The following IMMP2L variants were observed in gnomAD, a reference collection of about 807,000 sequenced individuals.
The protein encoded by IMMP2L is mitochondrial inner membrane protease subunit 2.
A neutral mutation model predicts 19.3 loss-of-function variants in IMMP2L; 18 were observed. That is an observed-to-expected ratio of 0.93 (90% confidence interval 0.64 to 1.38). The LOEUF is 1.38. Ranked by LOEUF, IMMP2L falls within the 40% of genes most tolerant of loss-of-function variation. IMMP2L has a pLI of 0.00. For synonymous variants in IMMP2L, 76 were observed against 73.0 expected, an observed-to-expected ratio of 1.04 and a Z score of -0.21; for missense variants, 233 against 218.2, an observed-to-expected ratio of 1.07 and a Z score of -0.43.
intron 5 of IMMP2L, among the ~76,000 whole-genome samples, chr7:110,766,091 A>C (rs115834173): frequency 6.6e-6 from 1 of 152,168 alleles, no homozygotes; most frequent in African/African-American, 2.4e-5. Flanking sequence ...GATTTAATTA[A>C]ATATAATTTG....
chr7:111,087,194 A>G (rs2129577235), intron 3 of IMMP2L, among the ~76,000 whole-genome samples: 1 of 152,314 alleles, frequency 6.6e-6, no homozygotes, highest in South Asian at 2.1e-4. Flanking sequence ...TCACGCCTGT[A>G]ATCTCAGCAC....
intron 2 of IMMP2L, among the ~76,000 whole-genome samples, chr7:111,515,149 T>G (rs889707878): frequency 1.3e-5 from 2 of 152,118 alleles, no homozygotes; most frequent in African/African-American, 2.4e-5. Context: ...ATCTTTGGGA[T>G]TCTATAAGGC....
intron 3 of IMMP2L, among the ~76,000 whole-genome samples, chr7:111,174,015 A>G (rs1057414040): frequency 4.0e-5 from 6 of 151,690 alleles, no homozygotes; most frequent in Admixed American, 6.6e-5. Flanking sequence ...GAGCCTCCTC[A>G]TGGGCATCTA....
intron 3 of IMMP2L, among the ~76,000 whole-genome samples, chr7:111,380,961 T>C (rs1831142798): frequency 1.3e-5 from 2 of 151,534 alleles, no homozygotes; most frequent in South Asian, 4.1e-4. Context: ...CTACTATCTA[T>C]TTTCCATGTT....
chr7:111,115,535 T>C (rs1799780103), intron 3 of IMMP2L, among the ~76,000 whole-genome samples: 1 of 152,048 alleles, frequency 6.6e-6, no homozygotes, highest in Non-Finnish European at 1.5e-5. Context: ...TAAAAGAAAA[T>C]TATAAAGAGA....
At chr7:110,749,856 C>G (rs1797616049) in intron 5 of IMMP2L, among the ~76,000 whole-genome samples, 1 of 152,006 alleles carries the variant, frequency 6.6e-6, no homozygotes, top group African/African-American at 2.4e-5. Context: ...TGTAACAAAC[C>G]TGCACATTCT....
intron 4 of IMMP2L, among the ~76,000 whole-genome samples, chr7:110,938,650 C>G (rs780819292): frequency 6.6e-6 from 1 of 151,902 alleles, no homozygotes; most frequent in Admixed American, 6.6e-5. Flanking sequence ...AATATTTGGG[C>G]GATGGGTACA....
intron 3 of IMMP2L, among the ~76,000 whole-genome samples, chr7:111,385,732 G>GA (rs1237732220): frequency 1.3e-5 from 2 of 151,926 alleles, no homozygotes; most frequent in African/African-American, 4.8e-5. Flanking sequence ...GATGGAAAAG[G>GA]AAAAAAATTA....
At chr7:111,034,648 T>A (rs1287086587) in intron 3 of IMMP2L, among the ~76,000 whole-genome samples, 1 of 152,124 alleles carries the variant, frequency 6.6e-6, no homozygotes, top group Non-Finnish European at 1.5e-5. Flanking sequence ...AGGGATTAAG[T>A]TTGTACCATA....
At chr7:111,292,739 C>G (rs905420924) in intron 3 of IMMP2L, among the ~76,000 whole-genome samples, 1 of 152,030 alleles carries the variant, frequency 6.6e-6, no homozygotes, top group East Asian at 1.9e-4. Context: ...AAATATTGAA[C>G]ATTTTTTGGA....
At chr7:110,948,100 C>G (rs2129553789) in intron 4 of IMMP2L, among the ~76,000 whole-genome samples, 1 of 152,308 alleles carries the variant, frequency 6.6e-6, no homozygotes, top group Admixed American at 6.5e-5. Flanking sequence ...TGATCAATTT[C>G]AAAATCTGAT....
chr7:111,352,102 G>T (rs1828223827), intron 3 of IMMP2L, among the ~76,000 whole-genome samples: 2 of 152,110 alleles, frequency 1.3e-5, no homozygotes, highest in African/African-American at 4.8e-5. Flanking sequence ...AGACATATGT[G>T]TAAAAGGTAT....
intron 3 of IMMP2L, among the ~76,000 whole-genome samples, chr7:110,991,958 A>G (rs1822512269): frequency 6.6e-6 from 1 of 152,216 alleles, no homozygotes; most frequent in South Asian, 2.1e-4. Context: ...AATTTTGCCA[A>G]TCATATCATA....
chr7:111,036,843 A>G (rs1046167707), intron 3 of IMMP2L, among the ~76,000 whole-genome samples: 2 of 152,240 alleles, frequency 1.3e-5, no homozygotes, highest in African/African-American at 4.8e-5. Context: ...TTATTTTTCT[A>G]ATGAATCCAT....
At chr7:111,130,955 T>C (rs1801786645) in intron 3 of IMMP2L, among the ~76,000 whole-genome samples, 1 of 151,988 alleles carries the variant, frequency 6.6e-6, no homozygotes, top group Non-Finnish European at 1.5e-5. Context: ...AGTAAATTAA[T>C]CAATGAAACA....
At chr7:111,212,703 AATG>A (rs1323968329) in intron 3 of IMMP2L, among the ~76,000 whole-genome samples, 3 of 152,222 alleles carry the variant, frequency 2.0e-5, no homozygotes, top group African/African-American at 7.2e-5. Context: ...GGATGAATAA[AATG>A]ATGTTAAAAA....
chr7:111,408,612 T>C (rs1346156048), intron 3 of IMMP2L, among the ~76,000 whole-genome samples: 1 of 151,778 alleles, frequency 6.6e-6, no homozygotes, highest in East Asian at 1.9e-4. Flanking sequence ...ATCTTTTTCA[T>C]ATGAAAGTTC....
At chr7:111,519,159 G>A (rs1331640360) in intron 2 of IMMP2L, among the ~76,000 whole-genome samples, 65 of 152,088 alleles carry the variant, frequency 4.3e-4, no homozygotes, top group Admixed American at 4.1e-3. Context: ...TCTCTCAGGC[G>A]GTGAAGAAAC....
intron 5 of IMMP2L, among the ~76,000 whole-genome samples, chr7:110,677,232 A>C (rs1282160420): frequency 6.6e-6 from 1 of 152,222 alleles, no homozygotes; most frequent in Non-Finnish European, 1.5e-5. Context: ...GCATGGTTTA[A>C]GTAAATCAAA....
Sources: allele counts gnomAD v4.1 joint callset (sites outside exome capture counted in the v4.1 genomes callset), GRCh38; gene constraint gnomAD v4.1.1; transcripts MANE v1.5; gene names NCBI Gene and HGNC (gene_info 2026-07-23, HGNC 2026-07-21).